The following GBF1 variants were observed in gnomAD, a reference collection of about 807,000 sequenced individuals.
GBF1 encodes golgi brefeldin A resistant guanine nucleotide exchange factor 1.
Under a neutral mutation model 210.5 loss-of-function variants are expected in GBF1, and 114 were observed. The observed-to-expected ratio is 0.54, with a 90% CI of 0.47 to 0.63. The LOEUF (loss-of-function observed/expected upper bound fraction) is 0.63, where lower values mean the gene tolerates loss of function less well. GBF1 is among the 30% of genes least tolerant of loss of function. The pLI is 0.00. For missense variants in GBF1, 1,851 were observed against 2,357.7 expected (o/e 0.79, Z 4.45); for synonymous variants, 850 against 889.2 (o/e 0.96, Z 0.78).
intron 1 of GBF1, among the ~76,000 whole-genome samples, chr10:102,251,471 C>T (rs1384472652): frequency 1.3e-5 from 2 of 151,870 alleles, no homozygotes; most frequent in African/African-American, 4.8e-5. Flanking sequence ...ATGGTCTTTC[C>T]CCCTGAGATA....
chr10:102,262,449 GTCT>G (rs1375893787), intron 3 of GBF1, among the ~76,000 whole-genome samples: 4 of 152,086 alleles, frequency 2.6e-5, no homozygotes, highest in African/African-American at 4.8e-5. Context: ...TCAGAGTACT[GTCT>G]TCTTAAGAGA....
chr10:102,270,332 G>A (rs1369225723), intron 3 of GBF1, among the ~76,000 whole-genome samples: 1 of 151,850 alleles, frequency 6.6e-6, no homozygotes, highest in African/African-American at 2.4e-5. Context: ...ACCACGCCCA[G>A]CTAATTTTTG....
In GBF1 at chr10:102,379,950, C is replaced by G; in HGVS notation, c.4874C>G (p.Ser1625Cys). 6.3e-7 allele frequency: 1 copy of G among 1,597,060 alleles called. No individual in the cohort carries two copies. The highest frequency in any genetic ancestry group is 8.6e-7 in the Non-Finnish European group (1 of 1,165,504). ...CGGATGAGGGCTTCCACATTGCTCTCTAAGGTACTGCTCACCACCCTATAC... is the reference window on the plus strand; with the variant it reads ...CGGATGAGGGCTTCCACATTGCTCTGTAAGGTACTGCTCACCACCCTATAC... ...ETRMRASTLL[S>C]KVFLQHLSPL... The change falls in exon 36 of 40, where the codon TCT (serine) becomes TGT (cysteine). Residue 1625 changes from serine (S) to cysteine (C), a missense_variant. Transcript: ENST00000369983.
At chr10:102,258,150 ATTT>A (rs60505807) in intron 1 of GBF1, among the ~76,000 whole-genome samples, 3,155 of 96,942 alleles carry the variant, frequency 0.033, 52 homozygotes, top group Admixed American at 0.051. Flanking sequence ...AGTATTACAG[ATTT>A]TTTTTTTTTT....
chr10:102,379,548 G>T lies in GBF1; in HGVS notation c.4673G>T (p.Arg1558Leu). Reference sequence around the variant, plus strand: ...ATTGCCTGCCTGTGCTGCGATGCCCGGCGCCAGGTACGGATGCAGGCACTG... The same window carrying T: ...ATTGCCTGCCTGTGCTGCGATGCCCTGCGCCAGGTACGGATGCAGGCACTG... ...QGIACLCCDA[R>L]RQVRMQALTY... Residue 1558 changes from arginine (R) to leucine (L), a missense_variant, in exon 35 of 40, where the codon CGG becomes CTG. Arg to Leu is a moderately radical substitution (Grantham distance 102, BLOSUM62 -2). Coordinates refer to ENST00000369983, the MANE Select transcript of GBF1 (RefSeq NM_001377137.1). 1 of 1,614,132 alleles carries T rather than the reference G, an allele frequency of 6.2e-7. No individual in the cohort carries two copies.
At chr10:102,241,118 C>T (rs1479630829), upstream of GBF1, among the ~76,000 whole-genome samples, 1 of 152,190 alleles carries the variant, frequency 6.6e-6, no homozygotes, top group Non-Finnish European at 1.5e-5. The surrounding 1 kb of genome is among the most constrained non-coding windows in gnomAD (Gnocchi z 6.7). Flanking sequence ...CGTTCCGGAT[C>T]CTCTGAGTCT....
chr10:102,350,383 A>G (rs1432922168), intron 4 of GBF1, among the ~76,000 whole-genome samples: 1 of 151,980 alleles, frequency 6.6e-6, no homozygotes, highest in African/African-American at 2.4e-5. Flanking sequence ...ATCTGCTGTA[A>G]TGTGGCACTC....
At chr10:102,290,625 A>G (rs1317551612) in intron 3 of GBF1, among the ~76,000 whole-genome samples, 2 of 152,162 alleles carry the variant, frequency 1.3e-5, no homozygotes, top group East Asian at 3.8e-4. Flanking sequence ...AGCCTCCCTG[A>G]GTAGCTGGGA....
intron 3 of GBF1, among the ~76,000 whole-genome samples, chr10:102,293,820 C>CAGGCT (rs2076680696): frequency 9.4e-6 from 1 of 106,638 alleles, no homozygotes; most frequent in Non-Finnish European, 1.8e-5. Context: ...CTCTGTCGCC[C>CAGGCT]AGGCTAGAGT....
the GBF1 span, chr10:102,230,841 G>A: frequency 3.1e-6 from 5 of 1,588,668 alleles, no homozygotes; most frequent in Non-Finnish European, 4.3e-6. Flanking sequence ...TGGAGGCGGC[G>A]ATGGAGCTGG....
chr10:102,231,697 C>T, the GBF1 span: 1 of 1,611,138 alleles, frequency 6.2e-7, no homozygotes, highest in Non-Finnish European at 8.5e-7. Context: ...TAGCTGCTGG[C>T]TGGTGAAGTG....
chr10:102,351,432 T>C, intron 5 of GBF1, 58 bp downstream of exon 5: 1 of 925,952 alleles, frequency 1.1e-6, no homozygotes, highest in South Asian at 1.3e-5. Context: ...CCGCAGACTC[T>C]ACTTACTCTG....
rs757842068 is a variant in GBF1, at chr10:102,367,176, A to T, written c.2525A>T (p.Asn842Ile). The T allele has an allele frequency of 1.4e-5, 23 of 1,613,886 alleles. No homozygotes were observed. The highest frequency in any genetic ancestry group is 4.0e-5 in the African/African-American group (3 of 74,868). The change falls in exon 20 of 40, where the codon AAT becomes ATT. Residue 842 changes from asparagine to isoleucine, a missense_variant. Physicochemically the swap from Asn to Ile is moderately radical, Grantham distance 149. This residue lies in a region of GBF1 where 80 missense variants were observed against 151.4 expected (regional missense o/e 0.53). Transcript: ENST00000369983. The stretch of plus-strand genomic sequence containing the variant: ...CTTAATACTGACCAGCACAACCACA[A>T]TGTTCGTAAACAGAATGCACCCATG... ...IMLNTDQHNH[N>I]VRKQNAPMTL...
intron 3 of GBF1, among the ~76,000 whole-genome samples, chr10:102,305,480 C>T (rs2077772118): frequency 6.6e-6 from 1 of 152,040 alleles, no homozygotes. Context: ...TATGATGGCA[C>T]GTGCCTGTAG....
chr10:102,352,556 G>A (rs762340741), intron 7 of GBF1, 38 bp downstream of exon 7: 5 of 1,448,556 alleles, frequency 3.5e-6, no homozygotes, highest in Non-Finnish European at 4.9e-6. Context: ...CGGCTGCCCA[G>A]GCCTCTTGAG....
intron 33 of GBF1, among the ~76,000 whole-genome samples, chr10:102,379,022 T>C (rs2060680501): frequency 6.6e-6 from 1 of 152,228 alleles, no homozygotes; most frequent in South Asian, 2.1e-4. Context: ...TTTCTCACTG[T>C]GAGTAAGGAT....
chr10:102,342,629 T>G (rs923564914), intron 3 of GBF1, among the ~76,000 whole-genome samples: 3 of 151,176 alleles, frequency 2.0e-5, no homozygotes, highest in Non-Finnish European at 2.9e-5. Flanking sequence ...GGAGTGGGGG[T>G]GGTAGGAACT....
intron 8 of GBF1, among the ~76,000 whole-genome samples, chr10:102,355,433 T>C (rs878966925): frequency 6.6e-6 from 1 of 152,120 alleles, no homozygotes; most frequent in Non-Finnish European, 1.5e-5. Flanking sequence ...GAGTACAGAG[T>C]CATACAGATA....
chr10:102,345,381 A>C (rs527864345), intron 4 of GBF1, among the ~76,000 whole-genome samples: 62 of 151,016 alleles, frequency 4.1e-4, no homozygotes, highest in African/African-American at 1.5e-3. Context: ...GACCAGGCAC[A>C]GTGGCTCATG....
Sources: gnomAD v4.1 joint callset for allele counts (sites outside exome capture counted in the v4.1 genomes callset) on GRCh38, gnomAD v4.1.1 for gene constraint, gnomAD v4.1.1 regional missense constraint, Gnocchi (gnomAD v3.1) non-coding constraint, MANE v1.5 for transcripts, NCBI Gene and HGNC (gene_info 2026-07-23, HGNC 2026-07-21) for gene names.